The following PICALM variants were observed in gnomAD, a reference collection of about 807,000 sequenced individuals.
PICALM encodes phosphatidylinositol-binding clathrin assembly protein.
PICALM carries 40 observed loss-of-function variants against 80.5 expected under a neutral mutation model. The observed-to-expected ratio is 0.50, with a 90% confidence interval of 0.39 to 0.65. PICALM has a LOEUF of 0.65. Among genes scored for constraint, PICALM ranks in the 30% least tolerant of loss-of-function variants. The probability of loss-of-function intolerance (pLI) is 0.00; values close to 1 mark genes in which losing one functional copy is unlikely to be tolerated. For synonymous variants in PICALM, 288 were observed against 260.3 expected, an observed-to-expected ratio of 1.11 and a Z score of -1.02; for missense variants, 676 against 778.9, an observed-to-expected ratio of 0.87 and a Z score of 1.57.
Position 86,007,518 on chromosome 11 carries a change from T to C in PICALM, c.807+24A>G, listed in dbSNP as rs13377593. 2.5e-3 allele frequency: 3,414 copies of C among 1,340,330 alleles called. 61 individuals carry two copies. In the African/African-American group the frequency reaches 0.044, roughly 17 times the overall value. 83.0% of individuals were successfully genotyped at this position (1,340,330 alleles called of 1,614,324 possible). ...CAACTTGTACACAACAGATAGTGGA[T>C]TGGTATTTTAACAATAAACTTACCT... On this transcript the variant is annotated intron_variant, in intron 8 of 19. Coordinates refer to ENST00000393346, the MANE Select transcript of PICALM (RefSeq NM_007166.4).
At chr11:86,014,833 A>G (rs892337123) in intron 5 of PICALM, 37 bp downstream of exon 5, 26 of 1,250,946 alleles carry the variant, frequency 2.1e-5, no homozygotes, top group Non-Finnish European at 2.6e-5. Context: ...TAATGACCTA[A>G]TTTTTTAAAA....
At chr11:85,970,169 T>C (rs535998390) in intron 19 of PICALM, among the ~76,000 whole-genome samples, 2 of 152,078 alleles carry the variant, frequency 1.3e-5, no homozygotes, top group African/African-American at 2.4e-5. Flanking sequence ...TATAATCTAG[T>C]AAAGAAAGCC....
intron 11 of PICALM, among the ~76,000 whole-genome samples, chr11:85,997,769 C>T (rs1484806367): frequency 6.6e-6 from 1 of 152,048 alleles, no homozygotes; most frequent in Admixed American, 6.5e-5. Context: ...CTGTGCTCAG[C>T]CTCTTTTTTT....
chr11:86,012,447 A>G (rs1279153500), intron 5 of PICALM, 55 bp from the exon 6 acceptor site: 4 of 953,498 alleles, frequency 4.2e-6, no homozygotes, highest in Admixed American at 3.7e-5. Context: ...AATGACATTG[A>G]CAAAAAGATT....
At chr11:86,018,533 T>A (rs1565432019) in intron 4 of PICALM, among the ~76,000 whole-genome samples, 1 of 151,948 alleles carries the variant, frequency 6.6e-6, no homozygotes. Context: ...TTTATAAGAT[T>A]AAAAAAAGGG....
Position 85,990,264 on chromosome 11 carries a change from T to C in PICALM, c.1394A>G (p.His465Arg), listed in dbSNP as rs117411388. The C allele has an allele frequency of 8.4e-4, 1,334 of 1,596,706 alleles. 1 individual carries two copies. The highest frequency in any genetic ancestry group is 9.9e-4 in the Non-Finnish European group (1,156 of 1,167,200). ...TGGTACTTTACCAACAAACATTTCA[T>C]GAGTAGGTGTCCTAGTAGTAAAAGT... ...VSTFTTRTPT[H>R]EMFVGFTPSP... The change falls in exon 13 of 20, where the codon CAT becomes CGT. Residue 465 changes from histidine (H) to arginine (R), a missense_variant. This residue lies in a region of PICALM where 391 missense variants were observed against 383.6 expected (regional missense o/e 1.02). Coordinates refer to ENST00000393346, the MANE Select transcript of PICALM (RefSeq NM_007166.4).
At chr11:86,027,132 C>A (rs4944553) in intron 2 of PICALM, among the ~76,000 whole-genome samples, 24,023 of 152,094 alleles carry the variant, frequency 0.16, 2,447 homozygotes, top group Middle Eastern at 0.24. Context: ...CATCATAAAT[C>A]CATTTATTTA....
At position 86,069,003 on chromosome 11, in the gene PICALM, C is replaced by A; in HGVS notation, c.-223G>T. On this transcript the variant is annotated 5_prime_UTR_variant, in exon 1 of 20. Transcript: ENST00000393346. ...ACAAGATGTCGGGCACTCCCTTGCCCCCGCCTCAGTTCAGCCCACCCCTTC... is the reference window on the plus strand; with the variant it reads ...ACAAGATGTCGGGCACTCCCTTGCCACCGCCTCAGTTCAGCCCACCCCTTC... 1.8e-6 allele frequency: 1 copy of A among 560,320 alleles called. No individual in the cohort carries two copies. Among genetic ancestry groups the A allele is most frequent in the Non-Finnish European group, 3.1e-6 (1 of 320,530 alleles). 34.7% of individuals were successfully genotyped at this position (560,320 alleles called of 1,614,324 possible).
chr11:85,959,633 CA>C (rs1161064257), intron 19 of PICALM, among the ~76,000 whole-genome samples: 200 of 45,198 alleles, frequency 4.4e-3, no homozygotes, highest in Middle Eastern at 0.016. Flanking sequence ...AACTCCATCT[CA>C]AAAAAAAAAA....
intron 13 of PICALM, among the ~76,000 whole-genome samples, chr11:85,988,679 G>GA (rs554889539): frequency 2.7e-5 from 4 of 150,304 alleles, no homozygotes; most frequent in Non-Finnish European, 5.9e-5. Flanking sequence ...AGGAAGAAGA[G>GA]AAAAAAAAGA....
At chr11:86,035,375 A>G (rs2095822944) in intron 1 of PICALM, among the ~76,000 whole-genome samples, 1 of 152,206 alleles carries the variant, frequency 6.6e-6, no homozygotes, top group Non-Finnish European at 1.5e-5. Context: ...ATCAGAATGC[A>G]GAGTTCTCAA....
chr11:86,014,139 A>C (rs2095442895), intron 5 of PICALM, among the ~76,000 whole-genome samples: 1 of 152,238 alleles, frequency 6.6e-6, no homozygotes, highest in African/African-American at 2.4e-5. Context: ...ACAACAGAGA[A>C]CAAAAGTGAC....
intron 16 of PICALM, 31 bp downstream of exon 16, chr11:85,981,714 G>A (rs376390825): frequency 6.4e-5 from 98 of 1,540,532 alleles, no homozygotes; most frequent in Middle Eastern, 2.0e-4. Flanking sequence ...AATAACACAC[G>A]GAGAAAACAA....
At chr11:86,014,809 AT>A in intron 5 of PICALM, 60 bp downstream of exon 5, 1 of 942,164 alleles carries the variant, frequency 1.1e-6, no homozygotes, top group South Asian at 1.6e-5. Flanking sequence ...GAGGTTAAAA[AT>A]TCTCATGAAT....
At chr11:86,017,020 G>C (rs908620053) in intron 4 of PICALM, among the ~76,000 whole-genome samples, 1 of 152,194 alleles carries the variant, frequency 6.6e-6, no homozygotes, top group East Asian at 1.9e-4. Flanking sequence ...TCAGGATTTC[G>C]AGACCAGCCT....
intron 12 of PICALM, among the ~76,000 whole-genome samples, chr11:85,992,302 A>T (rs2094807843): frequency 6.8e-6 from 1 of 146,508 alleles, no homozygotes. Context: ...TTTTTTTGAG[A>T]CAGAGTCGAA....
intron 13 of PICALM, among the ~76,000 whole-genome samples, chr11:85,984,644 A>C (rs1345014766): frequency 6.6e-6 from 1 of 152,160 alleles, no homozygotes; most frequent in Non-Finnish European, 1.5e-5. Flanking sequence ...TGACAAGCAC[A>C]AACTCAAGCA....
intron 1 of PICALM, among the ~76,000 whole-genome samples, chr11:86,033,804 T>C (rs1301137837): frequency 1.3e-5 from 2 of 152,198 alleles, no homozygotes; most frequent in Non-Finnish European, 2.9e-5. Context: ...TCATATTTTT[T>C]AAGACACATT....
chr11:86,032,997 AAC>A (rs1357547335), intron 1 of PICALM, among the ~76,000 whole-genome samples: 2 of 152,206 alleles, frequency 1.3e-5, no homozygotes, highest in Admixed American at 6.5e-5. Flanking sequence ...CAAAGAACAA[AAC>A]AGAGTGCCCA....
Sources: allele counts gnomAD v4.1 joint callset (sites outside exome capture counted in the v4.1 genomes callset), GRCh38; gene constraint gnomAD v4.1.1; regional missense constraint gnomAD v4.1.1; transcripts MANE v1.5; gene names NCBI Gene and HGNC (gene_info 2026-07-23, HGNC 2026-07-21).